The following PDZRN4 variants were observed in gnomAD, a reference collection of about 807,000 sequenced individuals.
The protein encoded by PDZRN4 is PDZ domain-containing RING finger protein 4.
Under a neutral mutation model 99.0 loss-of-function variants are expected in PDZRN4, and 70 were observed. The observed-to-expected ratio is 0.71, with a 90% CI of 0.58 to 0.86. The LOEUF is 0.86. Ranked by LOEUF, PDZRN4 falls within the 40% of genes least tolerant of loss-of-function variation. The probability of loss-of-function intolerance (pLI) is 0.00; values close to 1 mark genes in which losing one functional copy is unlikely to be tolerated. For synonymous variants in PDZRN4, 551 were observed against 501.6 expected, an observed-to-expected ratio of 1.10 and a Z score of -1.32; for missense variants, 1,474 against 1,331.2, an observed-to-expected ratio of 1.11 and a Z score of -1.67.
At chr12:41,237,791 T>C (rs1363112953) in intron 3 of PDZRN4, among the ~76,000 whole-genome samples, 1 of 152,138 alleles carries the variant, frequency 6.6e-6, no homozygotes, top group Non-Finnish European at 1.5e-5. Context: ...TGCGTGGTCT[T>C]ATTTCTGAGA....
chr12:41,403,033 T>C (rs1223092013), intron 3 of PDZRN4, among the ~76,000 whole-genome samples: 1 of 152,120 alleles, frequency 6.6e-6, no homozygotes, highest in Non-Finnish European at 1.5e-5. Flanking sequence ...TTCCTGTTTC[T>C]AGAAGTCTAA....
chr12:41,364,477 T>C (rs1951984142), intron 3 of PDZRN4, among the ~76,000 whole-genome samples: 2 of 152,076 alleles, frequency 1.3e-5, no homozygotes, highest in Non-Finnish European at 2.9e-5. Flanking sequence ...TGCGTCAGTG[T>C]CACTTCATTT....
chr12:41,523,986 C>G (rs933213787), intron 5 of PDZRN4, among the ~76,000 whole-genome samples: 2 of 152,094 alleles, frequency 1.3e-5, no homozygotes, highest in African/African-American at 4.8e-5. Flanking sequence ...TCACCACAAC[C>G]TATGCCATAA....
intron 3 of PDZRN4, among the ~76,000 whole-genome samples, chr12:41,218,759 G>A (rs897237966): frequency 1.3e-5 from 2 of 152,002 alleles, no homozygotes; most frequent in African/African-American, 4.8e-5. Context: ...CCTATCCATT[G>A]CTCCTTGCAC....
intron 3 of PDZRN4, among the ~76,000 whole-genome samples, chr12:41,458,361 C>T (rs1415129315): frequency 1.3e-5 from 2 of 152,074 alleles, no homozygotes; most frequent in Admixed American, 6.6e-5. Context: ...TTCACCACAT[C>T]GGCCAGGCTG....
At chr12:41,314,726 T>A (rs1368447697) in intron 3 of PDZRN4, among the ~76,000 whole-genome samples, 1 of 152,134 alleles carries the variant, frequency 6.6e-6, no homozygotes, top group African/African-American at 2.4e-5. Context: ...TTTTGGTTAT[T>A]TTTTTTCTTT....
intron 3 of PDZRN4, among the ~76,000 whole-genome samples, chr12:41,451,369 G>A (rs1952772632): frequency 6.6e-6 from 1 of 152,096 alleles, no homozygotes; most frequent in African/African-American, 2.4e-5. Flanking sequence ...GTATTAAATA[G>A]AGTCTGTGAC....
At chr12:41,250,747 C>CATTG (rs1231846593) in intron 3 of PDZRN4, among the ~76,000 whole-genome samples, 1 of 152,186 alleles carries the variant, frequency 6.6e-6, no homozygotes, top group Non-Finnish European at 1.5e-5. Flanking sequence ...TGAGCAGGAG[C>CATTG]ATTGACACGG....
chr12:41,544,352 C>A (rs867042163), intron 5 of PDZRN4, among the ~76,000 whole-genome samples: 12 of 152,298 alleles, frequency 7.9e-5, no homozygotes, highest in African/African-American at 2.6e-4. Flanking sequence ...TCTACTTAAT[C>A]TAAGACAATT....
chr12:41,304,039 C>T (rs986753616), intron 3 of PDZRN4, among the ~76,000 whole-genome samples: 5 of 152,118 alleles, frequency 3.3e-5, no homozygotes, highest in East Asian at 3.9e-4. Flanking sequence ...AGCAGCTTTC[C>T]CTGAGGAGGT....
intron 3 of PDZRN4, among the ~76,000 whole-genome samples, chr12:41,484,745 C>T (rs971990805): frequency 2.0e-5 from 3 of 152,270 alleles, no homozygotes; most frequent in African/African-American, 2.4e-5. Context: ...GGGCTATTTA[C>T]GTAACCCTTA....
At chr12:41,421,153 G>A (rs920349223) in intron 3 of PDZRN4, among the ~76,000 whole-genome samples, 3 of 151,992 alleles carry the variant, frequency 2.0e-5, no homozygotes, top group Admixed American at 2.0e-4. Context: ...ACACACTATT[G>A]TAAAACATCA....
intron 3 of PDZRN4, among the ~76,000 whole-genome samples, chr12:41,209,868 G>A (rs951313579): frequency 1.9e-4 from 28 of 148,954 alleles, no homozygotes; most frequent in Non-Finnish European, 1.0e-4. Flanking sequence ...ACCCAGTAAC[G>A]GGATGGCTGG....
intron 5 of PDZRN4, among the ~76,000 whole-genome samples, chr12:41,527,412 C>T (rs1938587367): frequency 6.6e-6 from 1 of 152,018 alleles, no homozygotes; most frequent in Non-Finnish European, 1.5e-5. Flanking sequence ...TGATGGAGGT[C>T]AGATTAGCAT....
chr12:41,475,277 G>A (rs565109333), intron 3 of PDZRN4, among the ~76,000 whole-genome samples: 10 of 152,046 alleles, frequency 6.6e-5, no homozygotes, highest in Non-Finnish European at 1.3e-4. Flanking sequence ...ATGAGGACCA[G>A]GTATCATATT....
intron 3 of PDZRN4, among the ~76,000 whole-genome samples, chr12:41,407,397 A>T (rs1952357809): frequency 6.6e-6 from 1 of 152,216 alleles, no homozygotes. Context: ...GTCAAACAGC[A>T]TAGTTACCAT....
At chr12:41,457,353 C>T (rs1302900715) in intron 3 of PDZRN4, among the ~76,000 whole-genome samples, 1 of 152,188 alleles carries the variant, frequency 6.6e-6, no homozygotes, top group Non-Finnish European at 1.5e-5. Context: ...ATTTTGCTAT[C>T]AGGTGCTTTG....
In PDZRN4 at chr12:41,563,578, G is replaced by A. The variant is rs749840222; in HGVS notation, c.1396G>A (p.Glu466Lys). 1 of 1,613,454 alleles carries A rather than the reference G, an allele frequency of 6.2e-7. No homozygotes were observed. The highest frequency in any genetic ancestry group is 1.1e-5 in the South Asian group (1 of 91,058). The change falls in exon 8 of 10, where the codon GAA becomes AAA. Residue 466 changes from glutamate to lysine, a missense_variant. Glu to Lys is a moderately conservative substitution (Grantham distance 56, BLOSUM62 1). Transcript: ENST00000402685. ...INGEDVQNRE[E>K]AVALLSNDEC... ...TGGGGAAGATGTCCAGAATCGAGAA[G>A]AAGCAGTGGCCTTGCTGTCTAACGA...
At chr12:41,360,393 G>T (rs1293333124) in intron 3 of PDZRN4, among the ~76,000 whole-genome samples, 1 of 152,040 alleles carries the variant, frequency 6.6e-6, no homozygotes, top group African/African-American at 2.4e-5. Flanking sequence ...TAGGACACAA[G>T]TCTCCATCTC....
Sources: allele counts gnomAD v4.1 joint callset (sites outside exome capture counted in the v4.1 genomes callset), GRCh38; gene constraint gnomAD v4.1.1; transcripts MANE v1.5; gene names NCBI Gene and HGNC (gene_info 2026-07-23, HGNC 2026-07-21).